The following NUP62CL variants were observed in gnomAD, a reference collection of about 807,000 sequenced individuals.
NUP62CL encodes nucleoporin-62 C-terminal-like protein.
In NUP62CL, 13 loss-of-function variants were observed where a neutral mutation model predicts 15.3. That is an observed-to-expected ratio of 0.85 (90% confidence interval 0.55 to 1.35). The LOEUF is 1.35. NUP62CL is among the 40% of genes most tolerant of loss of function. The pLI is 0.00. For synonymous variants in NUP62CL, 54 were observed against 49.2 expected, an observed-to-expected ratio of 1.10 and a Z score of -0.41; for missense variants, 123 against 130.6, an observed-to-expected ratio of 0.94 and a Z score of 0.28.
At chrX:107,157,566 A>T (rs1926235560) in intron 4 of NUP62CL, among the ~76,000 whole-genome samples, 1 of 107,981 alleles carries the variant, frequency 9.3e-6, no homozygotes, top group Non-Finnish European at 1.9e-5. Flanking sequence ...TACTTTACAG[A>T]CAAGCAAGTG....
intron 3 of NUP62CL, among the ~76,000 whole-genome samples, chrX:107,169,254 TAAG>T (rs1371774144): frequency 9.1e-6 from 1 of 110,366 alleles, no homozygotes; most frequent in Non-Finnish European, 1.9e-5. Context: ...AAGTCACAAT[TAAG>T]AATAAGGTAC....
intron 4 of NUP62CL, among the ~76,000 whole-genome samples, chrX:107,164,238 C>T (rs1159166530): frequency 1.8e-5 from 2 of 111,774 alleles, no homozygotes; most frequent in Non-Finnish European, 3.8e-5. Flanking sequence ...TTAAACAACA[C>T]ACTTCTAAAT....
At chrX:107,181,002 C>G (rs886788934) in intron 2 of NUP62CL, among the ~76,000 whole-genome samples, 5 of 105,297 alleles carry the variant, frequency 4.7e-5, no homozygotes, top group Non-Finnish European at 7.8e-5. Flanking sequence ...CTGCAACCTC[C>G]GCCTCCTGGG....
chrX:107,191,075 A>ACCC (rs1927227310), intron 2 of NUP62CL, among the ~76,000 whole-genome samples: 4 of 101,884 alleles, frequency 3.9e-5, no homozygotes, highest in African/African-American at 1.5e-4. Flanking sequence ...TAGTAGGTGT[A>ACCC]TAACTTTACG....
At chrX:107,180,523 A>G (rs1327340099) in intron 2 of NUP62CL, among the ~76,000 whole-genome samples, 1 of 112,367 alleles carries the variant, frequency 8.9e-6, no homozygotes, top group Admixed American at 9.4e-5. Context: ...ATGTGAAAAC[A>G]TTCCAAATGT....
At chrX:107,200,448 G>A (rs763930136) in intron 1 of NUP62CL, among the ~76,000 whole-genome samples, 18 of 109,544 alleles carry the variant, frequency 1.6e-4, no homozygotes, top group Non-Finnish European at 3.2e-4. Context: ...GTGAAAACCC[G>A]TCTCTACTAA....
chrX:107,175,999 G>A (rs1046455025), intron 2 of NUP62CL, among the ~76,000 whole-genome samples: 1 of 111,310 alleles, frequency 9.0e-6, no homozygotes, highest in Non-Finnish European at 1.9e-5. Context: ...TTACTTGCAG[G>A]GTTAAGGTCC....
Position 107,140,989 on chromosome X carries a change from A to G in NUP62CL, c.*42+6754T>C, listed in dbSNP as rs1237720167. Among the ~76,000 whole-genome samples, 3 of 112,429 alleles carry G rather than the reference A, an allele frequency of 2.7e-5. No homozygotes were observed. In the East Asian group the frequency reaches 8.3e-4, roughly 31 times the overall value. Reference sequence around the variant, plus strand: ...AATCCGTCCTTCTCACAAACAATATATATTCTGCTATTTGGAAGTGATTTA... The same window carrying G: ...AATCCGTCCTTCTCACAAACAATATGTATTCTGCTATTTGGAAGTGATTTA... On this transcript the variant is annotated intron_variant, in intron 8 of 8. Transcript: ENST00000372466.
At chrX:107,151,703 A>G (rs771091571) in intron 7 of NUP62CL, among the ~76,000 whole-genome samples, 2 of 110,117 alleles carry the variant, frequency 1.8e-5, no homozygotes, top group South Asian at 7.8e-4. Flanking sequence ...TTGGTTGCCT[A>G]CATTATTGAA....
intron 8 of NUP62CL, among the ~76,000 whole-genome samples, chrX:107,140,541 C>G (rs766153469): frequency 5.4e-5 from 6 of 111,536 alleles, no homozygotes; most frequent in Non-Finnish European, 1.1e-4. Flanking sequence ...ATATTACCCA[C>G]AATACCCTGG....
At chrX:107,139,374 C>T (rs1193967167) in intron 8 of NUP62CL, among the ~76,000 whole-genome samples, 1 of 111,679 alleles carries the variant, frequency 9.0e-6, no homozygotes, top group African/African-American at 3.3e-5. Flanking sequence ...ATGTGAATAT[C>T]CTAGTTGTAA....
intron 8 of NUP62CL, among the ~76,000 whole-genome samples, chrX:107,141,347 A>G (rs1925762100): frequency 8.9e-6 from 1 of 112,581 alleles, no homozygotes; most frequent in Non-Finnish European, 1.9e-5. Flanking sequence ...AAAGATGAGC[A>G]AGTGGCTAAT....
chrX:107,168,423 A>G (rs1241565507), intron 3 of NUP62CL, among the ~76,000 whole-genome samples: 1 of 111,787 alleles, frequency 8.9e-6, no homozygotes, highest in Non-Finnish European at 1.9e-5. Context: ...ACTCTCTCCT[A>G]TATGTCTTTT....
At chrX:107,142,359 A>G (rs189421229) in intron 8 of NUP62CL, among the ~76,000 whole-genome samples, 1 of 111,666 alleles carries the variant, frequency 9.0e-6, no homozygotes, top group African/African-American at 3.2e-5. Context: ...GAAATATTAC[A>G]AAATCCCTAT....
At chrX:107,189,990 C>T (rs1163246128) in intron 2 of NUP62CL, among the ~76,000 whole-genome samples, 1 of 110,485 alleles carries the variant, frequency 9.1e-6, no homozygotes, top group Non-Finnish European at 1.9e-5. Flanking sequence ...CAGAAAATTA[C>T]GCTGAGTGAA....
intron 4 of NUP62CL, among the ~76,000 whole-genome samples, chrX:107,165,853 C>CA (rs1047934467): frequency 1.5e-4 from 17 of 110,159 alleles, no homozygotes; most frequent in Admixed American, 8.7e-4. Flanking sequence ...CATCCACAGA[C>CA]AAAAAAAAAT....
intron 3 of NUP62CL, among the ~76,000 whole-genome samples, chrX:107,170,150 G>T (rs1280115591): frequency 1.2e-5 from 1 of 85,670 alleles, no homozygotes; most frequent in Non-Finnish European, 2.3e-5. Flanking sequence ...AAAAATAAAA[G>T]AAAAAGAAAA....
chrX:107,132,141 G>A, intron 8 of NUP62CL: 2 of 1,172,394 alleles, frequency 1.7e-6, no homozygotes, highest in Admixed American at 4.3e-5. Flanking sequence ...AGATTCAAAT[G>A]AACGAGAGTT....
intron 3 of NUP62CL, among the ~76,000 whole-genome samples, chrX:107,173,473 C>A (rs1926697007): frequency 9.0e-6 from 1 of 111,233 alleles, no homozygotes; most frequent in African/African-American, 3.3e-5. Flanking sequence ...TATTGTGGTC[C>A]CAATATCTTT....
Sources: allele counts gnomAD v4.1 joint callset (sites outside exome capture counted in the v4.1 genomes callset), GRCh38; gene constraint gnomAD v4.1.1; transcripts MANE v1.5; gene names NCBI Gene and HGNC (gene_info 2026-07-23, HGNC 2026-07-21).